Variants in STX17 observed in about 807,000 individuals in gnomAD.
STX17 encodes syntaxin-17.
Under a neutral mutation model 35.9 loss-of-function variants are expected in STX17, and 29 were observed. The observed-to-expected ratio is 0.81, with a 90% confidence interval of 0.60 to 1.10. The LOEUF (loss-of-function observed/expected upper bound fraction) is 1.10, where lower values mean the gene tolerates loss of function less well. Ranked by LOEUF, STX17 falls within the 50% of genes least tolerant of loss-of-function variation. The pLI, the probability that STX17 is intolerant of heterozygous loss-of-function variation, is 0.00. For missense variants in STX17, 312 were observed against 352.3 expected (o/e 0.89, Z 0.92); for synonymous variants, 92 against 118.3 (o/e 0.78, Z 1.44).
At chr9:99,911,560 A>T (rs1370642118) in intron 1 of STX17, among the ~76,000 whole-genome samples, 1 of 151,910 alleles carries the variant, frequency 6.6e-6, no homozygotes, top group Non-Finnish European at 1.5e-5. Flanking sequence ...TTTTATTTTT[A>T]ATTTTTTGAG....
At chr9:99,937,146 T>C (rs1415619923) in intron 3 of STX17, among the ~76,000 whole-genome samples, 2 of 152,230 alleles carry the variant, frequency 1.3e-5, no homozygotes, top group Non-Finnish European at 2.9e-5. Flanking sequence ...TGTTCCTTTG[T>C]ATGTAATGTG....
At chr9:99,942,766 C>G (rs1037532782) in intron 3 of STX17, among the ~76,000 whole-genome samples, 16 of 152,082 alleles carry the variant, frequency 1.1e-4, no homozygotes, top group Non-Finnish European at 2.1e-4. Context: ...ACCCAAATTA[C>G]TAGGCATAAT....
intron 3 of STX17, among the ~76,000 whole-genome samples, chr9:99,947,662 G>A (rs892254568): frequency 2.6e-5 from 4 of 152,142 alleles, no homozygotes; most frequent in Non-Finnish European, 5.9e-5. Context: ...CTCGAGACTG[G>A]AGGCCAGTCT....
chr9:99,953,309 G>A (rs1221657260), intron 4 of STX17, among the ~76,000 whole-genome samples: 2 of 151,996 alleles, frequency 1.3e-5, no homozygotes, highest in African/African-American at 2.4e-5. Flanking sequence ...GGACCTAAAT[G>A]TTTTATAAAC....
At chr9:99,906,912 G>A (rs1587904708) in intron 1 of STX17, 1 of 152,264 alleles carries the variant, frequency 6.6e-6, no homozygotes, top group Non-Finnish European at 1.5e-5. Context: ...TTGGAAGCTG[G>A]TATAGGGAGG....
In STX17 at chr9:99,971,719, C is replaced by G. The variant is rs1830018346; in HGVS notation, c.*3046C>G. ...TTATGTCTCTCAGACTATACAGCCT[C>G]TATACAAAATTGAGATGGGGGTTGG... is the stretch of plus-strand genomic sequence containing the variant. On this transcript the variant is annotated 3_prime_UTR_variant, in exon 8 of 8. Transcript: ENST00000259400. 6.6e-6 allele frequency among the ~76,000 whole-genome samples: 1 copy of G among 152,182 alleles called. No homozygotes were observed. The highest frequency in any genetic ancestry group is 1.5e-5 in the Non-Finnish European group (1 of 68,026).
chr9:99,926,505 CT>C (rs551609742), intron 2 of STX17, among the ~76,000 whole-genome samples: 161 of 144,692 alleles, frequency 1.1e-3, no homozygotes, highest in Admixed American at 1.3e-3. Flanking sequence ...TTGAGTCTTT[CT>C]TTTTTTTTTT....
chr9:99,908,273 C>T (rs956762202), intron 1 of STX17, among the ~76,000 whole-genome samples: 1 of 152,090 alleles, frequency 6.6e-6, no homozygotes, highest in Non-Finnish European at 1.5e-5. Context: ...GCTTTTAAAC[C>T]GTACGCATAT....
chr9:99,950,422 A>C lies in STX17; in HGVS notation c.190-638A>C, dbSNP rs569786316. Among the ~76,000 whole-genome samples, 6 of 152,022 alleles carry C rather than the reference A, an allele frequency of 3.9e-5. No homozygotes were observed. The South Asian group carries it at 1.2e-3, about 31-fold the overall frequency. On this transcript the variant is annotated intron_variant, in intron 3 of 7. Transcript: ENST00000259400. ...ATATATTAATATTAGTGTATACTAT[A>C]ATGTTAATATATACTAATATAGTAA...
rs1806298541 is a variant in STX17 at position 99,973,364 on chromosome 9, C to T, written c.*4691C>T. The stretch of plus-strand genomic sequence containing the variant: ...GTGTTAGGCCCTGTCAAGCCACCTG[C>T]TAAGGCTCATGGTCTTTCAGACTAG... On this transcript the variant is annotated 3_prime_UTR_variant, in exon 8 of 8. Transcript: ENST00000259400. Among the ~76,000 whole-genome samples the T allele has an allele frequency of 1.3e-5, 2 of 152,216 alleles. No homozygotes were observed. Among genetic ancestry groups the T allele is most frequent in the Admixed American group, 1.3e-4 (2 of 15,284 alleles).
intron 2 of STX17, among the ~76,000 whole-genome samples, chr9:99,919,974 C>T (rs1254586460): frequency 6.6e-6 from 1 of 152,204 alleles, no homozygotes; most frequent in Non-Finnish European, 1.5e-5. Context: ...TCTGTGATTA[C>T]AATGAAAGTA....
intron 2 of STX17, among the ~76,000 whole-genome samples, chr9:99,919,728 A>G (rs1222810140): frequency 1.3e-5 from 2 of 152,218 alleles, no homozygotes; most frequent in Non-Finnish European, 2.9e-5. Context: ...TTTCGTAAAT[A>G]TTTATTGATG....
chr9:99,962,934 A>T (rs1156922195), intron 6 of STX17, among the ~76,000 whole-genome samples: 1 of 152,180 alleles, frequency 6.6e-6, no homozygotes, highest in Non-Finnish European at 1.5e-5. Flanking sequence ...TTATCATCAC[A>T]TGGACATGAT....
chr9:99,944,506 A>T (rs1028667660), intron 3 of STX17, among the ~76,000 whole-genome samples: 1 of 142,436 alleles, frequency 7.0e-6, no homozygotes, highest in Admixed American at 7.1e-5. Context: ...CTTTTCATTC[A>T]GGTCAAAGCA....
chr9:99,908,335 C>G (rs1189808053), intron 1 of STX17, among the ~76,000 whole-genome samples: 1 of 152,196 alleles, frequency 6.6e-6, no homozygotes, highest in Non-Finnish European at 1.5e-5. Context: ...ATTGGTGGAT[C>G]TTGCCTTCAG....
At chr9:99,926,853 G>T (rs1021178479) in intron 2 of STX17, among the ~76,000 whole-genome samples, 2 of 152,088 alleles carry the variant, frequency 1.3e-5, no homozygotes, top group African/African-American at 4.8e-5. Flanking sequence ...TTAGTTCAGG[G>T]CTAATTTTTT....
intron 6 of STX17, among the ~76,000 whole-genome samples, chr9:99,966,907 AT>A (rs1182241399): frequency 3.9e-5 from 6 of 152,210 alleles, no homozygotes; most frequent in Admixed American, 2.0e-4. Flanking sequence ...CAGAGAGGAG[AT>A]TGACCTGATG....
intron 6 of STX17, among the ~76,000 whole-genome samples, chr9:99,961,071 C>G (rs1354830532): frequency 1.3e-5 from 2 of 152,084 alleles, no homozygotes; most frequent in African/African-American, 4.8e-5. Context: ...TGCAGTATAA[C>G]CAAAGCATAA....
intron 2 of STX17, among the ~76,000 whole-genome samples, chr9:99,920,894 G>A (rs1828871754): frequency 6.6e-6 from 1 of 152,094 alleles, no homozygotes; most frequent in Non-Finnish European, 1.5e-5. Context: ...CTTGTAATTT[G>A]TTGTAATAAG....
Sources: gnomAD v4.1 joint callset for allele counts (sites outside exome capture counted in the v4.1 genomes callset) on GRCh38, gnomAD v4.1.1 for gene constraint, MANE v1.5 for transcripts, NCBI Gene and HGNC (gene_info 2026-07-23, HGNC 2026-07-21) for gene names.